The following MAGI2 variants were observed in gnomAD, a reference collection of about 807,000 sequenced individuals.
MAGI2 encodes membrane associated guanylate kinase, WW and PDZ domain containing 2.
In MAGI2, 35 loss-of-function variants were observed where a neutral mutation model predicts 133.3. The observed-to-expected ratio is 0.26, with a 90% CI of 0.20 to 0.35. MAGI2 has a LOEUF of 0.35. Ranked by LOEUF, MAGI2 falls within the 10% of genes least tolerant of loss-of-function variation. The pLI is 1.00. For synonymous variants in MAGI2, 729 were observed against 710.6 expected (o/e 1.03, Z -0.41); for missense variants, 1,636 against 1,863.4 (o/e 0.88, Z 2.25).
intron 6 of MAGI2, among the ~76,000 whole-genome samples, chr7:78,451,640 G>A (rs1252097737): frequency 4.6e-5 from 7 of 152,078 alleles, no homozygotes; most frequent in Non-Finnish European, 7.4e-5. Context: ...GTAAAATGGG[G>A]ATAATCATGG....
chr7:79,129,446 G>A (rs1820716192), intron 1 of MAGI2, among the ~76,000 whole-genome samples: 1 of 152,076 alleles, frequency 6.6e-6, no homozygotes, highest in African/African-American at 2.4e-5. Flanking sequence ...ATGTTTTTTA[G>A]CACTTTGGTT....
chr7:78,682,689 G>A (rs1477959142), intron 2 of MAGI2, among the ~76,000 whole-genome samples: 1 of 152,106 alleles, frequency 6.6e-6, no homozygotes, highest in Non-Finnish European at 1.5e-5. Flanking sequence ...ACATACATGT[G>A]CATGTGTCTT....
chr7:78,531,398 G>C (rs1382347946), intron 3 of MAGI2, among the ~76,000 whole-genome samples: 1 of 151,964 alleles, frequency 6.6e-6, no homozygotes, highest in Non-Finnish European at 1.5e-5. Context: ...ATATTTAGTA[G>C]AGACGGGGTT....
chr7:78,154,306 C>G (rs1421327511), intron 16 of MAGI2, among the ~76,000 whole-genome samples: 1 of 152,182 alleles, frequency 6.6e-6, no homozygotes, highest in Non-Finnish European at 1.5e-5. Context: ...ATGACCAGGT[C>G]CAAACTTCAA....
intron 6 of MAGI2, chr7:78,487,314 G>A (rs1793138752): frequency 5.6e-6 from 1 of 179,414 alleles, no homozygotes; most frequent in African/African-American, 2.4e-5. Flanking sequence ...ATGTGGTCCT[G>A]GAGGCATGGG....
intron 2 of MAGI2, among the ~76,000 whole-genome samples, chr7:78,823,230 A>C (rs1180232361): frequency 1.3e-5 from 2 of 152,214 alleles, no homozygotes; most frequent in Non-Finnish European, 2.9e-5. Context: ...TCCCATGTGA[A>C]GGATGATTTG....
intron 2 of MAGI2, among the ~76,000 whole-genome samples, chr7:78,795,955 C>T (rs1583921677): frequency 6.6e-6 from 1 of 152,022 alleles, no homozygotes; most frequent in East Asian, 1.9e-4. Context: ...AAACTAGATC[C>T]CATCTTTCAC....
intron 2 of MAGI2, among the ~76,000 whole-genome samples, chr7:78,714,581 C>T (rs779331107): frequency 2.0e-5 from 3 of 152,136 alleles, no homozygotes; most frequent in African/African-American, 4.8e-5. Context: ...TTCATGGAGG[C>T]GGGTACTGTG....
At chr7:78,605,131 G>T (rs1181333339) in intron 3 of MAGI2, among the ~76,000 whole-genome samples, 2 of 152,212 alleles carry the variant, frequency 1.3e-5, no homozygotes, top group Non-Finnish European at 2.9e-5. Context: ...AAACTGGAGT[G>T]GAGGGAATCC....
intron 2 of MAGI2, among the ~76,000 whole-genome samples, chr7:78,649,633 T>A (rs1811331566): frequency 6.6e-6 from 1 of 152,070 alleles, no homozygotes; most frequent in South Asian, 2.1e-4. Context: ...TGACAAAAAA[T>A]TTCTTTTTTT....
intron 1 of MAGI2, among the ~76,000 whole-genome samples, chr7:79,071,843 A>G (rs1473508142): frequency 2.6e-5 from 4 of 152,110 alleles, no homozygotes; most frequent in Non-Finnish European, 4.4e-5. Context: ...TCAACTTCAG[A>G]CTGCTGTGCT....
intron 21 of MAGI2, among the ~76,000 whole-genome samples, chr7:78,043,555 G>C (rs1409008801): frequency 6.6e-6 from 1 of 152,184 alleles, no homozygotes; most frequent in East Asian, 1.9e-4. Context: ...GACAAAGCTG[G>C]ATTTGGGATT....
At chr7:78,248,199 A>G (rs1289563965) in intron 10 of MAGI2, among the ~76,000 whole-genome samples, 2 of 152,212 alleles carry the variant, frequency 1.3e-5, no homozygotes, top group East Asian at 1.9e-4. Context: ...TCTTTCCTGA[A>G]CAAGCAAAAG....
At chr7:78,552,463 G>A (rs752929847) in intron 3 of MAGI2, among the ~76,000 whole-genome samples, 19 of 152,266 alleles carry the variant, frequency 1.2e-4, no homozygotes, top group African/African-American at 2.2e-4. Context: ...GATTACAGGC[G>A]TAAGCCACTG....
intron 12 of MAGI2, among the ~76,000 whole-genome samples, chr7:78,186,404 G>A (rs1424580788): frequency 6.6e-6 from 1 of 152,106 alleles, no homozygotes; most frequent in Non-Finnish European, 1.5e-5. Flanking sequence ...TTTTTCAGGG[G>A]TAGGCAAGGC....
At chr7:79,186,284 A>ATG (rs1562973388) in intron 1 of MAGI2, among the ~76,000 whole-genome samples, 1 of 144,494 alleles carries the variant, frequency 6.9e-6, no homozygotes, top group Non-Finnish European at 1.5e-5. Context: ...TTTAAACTAT[A>ATG]TATATAAAGT....
chr7:78,944,736 T>TAATA (rs1801274667), intron 2 of MAGI2, among the ~76,000 whole-genome samples: 1 of 151,562 alleles, frequency 6.6e-6, no homozygotes, highest in Non-Finnish European at 1.5e-5. Context: ...TTTATTTATT[T>TAATA]ATTTACTTAT....
chr7:78,288,882 G>A (rs1796417685), intron 9 of MAGI2, among the ~76,000 whole-genome samples: 1 of 152,216 alleles, frequency 6.6e-6, no homozygotes, highest in Admixed American at 6.5e-5. Flanking sequence ...ACCTGCAGCT[G>A]AGGATCCTGA....
At chr7:78,894,779 CAGAA>C (rs1234492929) in intron 2 of MAGI2, among the ~76,000 whole-genome samples, 2 of 152,084 alleles carry the variant, frequency 1.3e-5, no homozygotes, top group African/African-American at 4.8e-5. Context: ...GTAAGAGTAA[CAGAA>C]AGACAATATT....
Sources: allele counts gnomAD v4.1 joint callset (sites outside exome capture counted in the v4.1 genomes callset), GRCh38; gene constraint gnomAD v4.1.1; transcripts MANE v1.5; gene names NCBI Gene and HGNC (gene_info 2026-07-23, HGNC 2026-07-21).